CNTN4: variants seen among roughly 807,000 people sequenced by gnomAD.
The protein encoded by CNTN4 is contactin-4.
Under a neutral mutation model 122.5 loss-of-function variants are expected in CNTN4, and 77 were observed. The observed-to-expected ratio is 0.63, with a 90% CI of 0.52 to 0.76. CNTN4 has a LOEUF of 0.76. Among genes scored for constraint, CNTN4 ranks in the 30% least tolerant of loss-of-function variants. The probability of loss-of-function intolerance (pLI) is 0.00; values close to 1 mark genes in which losing one functional copy is unlikely to be tolerated. For missense variants in CNTN4, 1,256 were observed against 1,259.1 expected, an observed-to-expected ratio of 1.00 and a Z score of 0.04; for synonymous variants, 512 against 447.0, an observed-to-expected ratio of 1.15 and a Z score of -1.83.
At chr3:2,163,795 A>T (rs1471927191) in intron 2 of CNTN4, among the ~76,000 whole-genome samples, 1 of 152,236 alleles carries the variant, frequency 6.6e-6, no homozygotes, top group Non-Finnish European at 1.5e-5. Context: ...CCATAACGAG[A>T]TATAATCTCA....
rs71058604 is a variant in CNTN4 at position 2,294,288 on chromosome 3, C to CTTTTTTTTTTTTTTTTTTTTTTT, written c.-144-44875_-144-44874insTTTTTTTTTTTTTTTTTTTTTTT. 1.3e-4 allele frequency among the ~76,000 whole-genome samples: 17 copies of CTTTTTTTTTTTTTTTTTTTTTTT among 135,596 alleles called. 2 individuals carry two copies. Among genetic ancestry groups the CTTTTTTTTTTTTTTTTTTTTTTT allele is most frequent in the South Asian group, 7.2e-4 (3 of 4,148 alleles). 89.0% of individuals were successfully genotyped at this position (135,596 alleles called of 152,430 possible). On this transcript the variant is annotated intron_variant, in intron 2 of 24. Transcript: ENST00000418658. ...CAAAGGAAAGGCAGAAGAGTTGTGACTTTTTTTTTTTTTTTACTGAATACC... is the reference window on the plus strand; with the variant it reads ...CAAAGGAAAGGCAGAAGAGTTGTGACTTTTTTTTTTTTTTTTTTTTTTTTTTTTTTTTTTTTTTACTGAATACC...
chr3:2,796,060 T>C (rs2092168255), intron 6 of CNTN4, among the ~76,000 whole-genome samples: 1 of 152,166 alleles, frequency 6.6e-6, no homozygotes, highest in African/African-American at 2.4e-5. Flanking sequence ...GAATTGTTGA[T>C]TGGGACTTTC....
chr3:2,567,508 A>T (rs2079224246), intron 3 of CNTN4, among the ~76,000 whole-genome samples: 1 of 152,150 alleles, frequency 6.6e-6, no homozygotes, highest in African/African-American at 2.4e-5. Flanking sequence ...TGCTGTCTTT[A>T]ACAAAGATAG....
intron 3 of CNTN4, among the ~76,000 whole-genome samples, chr3:2,493,854 T>A (rs1246017435): frequency 1.3e-5 from 2 of 152,156 alleles, no homozygotes; most frequent in Non-Finnish European, 2.9e-5. Flanking sequence ...TCCTTCTTTT[T>A]GCTGCCTGGA....
At chr3:3,015,375 A>G (rs986195155) in intron 14 of CNTN4, among the ~76,000 whole-genome samples, 1 of 152,210 alleles carries the variant, frequency 6.6e-6, no homozygotes, top group Non-Finnish European at 1.5e-5. Context: ...GGATTGTTTA[A>G]GGTTTTGTTT....
chr3:3,009,403 T>C (rs1242359548), intron 14 of CNTN4, among the ~76,000 whole-genome samples: 1 of 152,188 alleles, frequency 6.6e-6, no homozygotes, highest in African/African-American at 2.4e-5. Context: ...GTCAATTCAA[T>C]ATCTAATATT....
chr3:2,401,908 G>A lies in CNTN4; in HGVS notation c.-89+62675G>A, dbSNP rs370290811. 3.8e-3 allele frequency among the ~76,000 whole-genome samples: 581 copies of A among 152,266 alleles called. 4 individuals are homozygous for A. Among genetic ancestry groups the A allele is most frequent in the African/African-American group, 0.014 (568 of 41,562 alleles). On this transcript the variant is annotated intron_variant, in intron 3 of 24. Coordinates refer to ENST00000418658, the MANE Select transcript of CNTN4 (RefSeq NM_175607.3). ...AAAAGCAATTTTGTTTGCCAGCAAA[G>A]TAATACCTGGATTTTTAGTTTCTCA...
chr3:2,936,199 C>G (rs1312482056), intron 13 of CNTN4, among the ~76,000 whole-genome samples: 1 of 152,140 alleles, frequency 6.6e-6, no homozygotes, highest in Non-Finnish European at 1.5e-5. Flanking sequence ...CCGTGACTTA[C>G]CATGCACCCA....
chr3:2,657,603 A>G (rs1401110167), intron 4 of CNTN4, among the ~76,000 whole-genome samples: 2 of 152,152 alleles, frequency 1.3e-5, no homozygotes, highest in Non-Finnish European at 2.9e-5. Flanking sequence ...CTAAATATGC[A>G]TTCTGTAAAC....
intron 3 of CNTN4, among the ~76,000 whole-genome samples, chr3:2,357,906 C>G (rs932102007): frequency 9.9e-5 from 15 of 152,156 alleles, no homozygotes; most frequent in South Asian, 2.1e-4. Flanking sequence ...AAATAATACT[C>G]TACAGAATAC....
intron 3 of CNTN4, among the ~76,000 whole-genome samples, chr3:2,466,085 A>C (rs985159734): frequency 2.0e-5 from 3 of 152,196 alleles, no homozygotes; most frequent in Admixed American, 2.0e-4. Flanking sequence ...AACCAACACT[A>C]CATGAAGCCA....
intron 2 of CNTN4, among the ~76,000 whole-genome samples, chr3:2,307,519 T>C (rs2042759580): frequency 6.6e-6 from 1 of 152,184 alleles, no homozygotes; most frequent in South Asian, 2.1e-4. Flanking sequence ...TACTGATAAG[T>C]ATGATGTTAG....
Position 2,178,448 on chromosome 3 carries a change from T to C in CNTN4, c.-145+77809T>C, listed in dbSNP as rs1043221490. On this transcript the variant is annotated intron_variant, in intron 2 of 24. Coordinates refer to ENST00000418658, the MANE Select transcript of CNTN4 (RefSeq NM_175607.3). ...TAGATTCATGTTCATGTTACTGTGA[T>C]TTAGAAAAAAAAAATTGTAACATCA... Among the ~76,000 whole-genome samples the C allele has an allele frequency of 2.0e-5, 3 of 147,682 alleles. 1 individual carries two copies. Among genetic ancestry groups the C allele is most frequent in the Middle Eastern group, 7.0e-3 (2 of 286 alleles).
intron 2 of CNTN4, among the ~76,000 whole-genome samples, chr3:2,243,855 G>T (rs1302592726): frequency 1.3e-5 from 2 of 152,036 alleles, no homozygotes; most frequent in East Asian, 1.9e-4. Flanking sequence ...GGTGTAAGTT[G>T]CCATACTTCT....
At chr3:2,785,910 C>T (rs1159378068) in intron 6 of CNTN4, among the ~76,000 whole-genome samples, 2 of 136,500 alleles carry the variant, frequency 1.5e-5, no homozygotes, top group African/African-American at 5.2e-5. Flanking sequence ...CCCCCGCCCC[C>T]CCATCCTGTA....
intron 13 of CNTN4, among the ~76,000 whole-genome samples, chr3:2,939,138 T>C (rs1324259262): frequency 6.6e-6 from 1 of 152,228 alleles, no homozygotes; most frequent in Non-Finnish European, 1.5e-5. Context: ...AGTTTTCTCC[T>C]CATATTTCAG....
chr3:2,607,594 G>A (rs114242095), intron 4 of CNTN4, among the ~76,000 whole-genome samples: 1,935 of 23,688 alleles, frequency 0.082, 44 homozygotes, highest in African/African-American at 0.17. Flanking sequence ...TAATACGTGT[G>A]TATATACATA....
At chr3:3,033,893 G>C (rs188190541) in intron 16 of CNTN4, among the ~76,000 whole-genome samples, 17 of 152,120 alleles carry the variant, frequency 1.1e-4, no homozygotes, top group African/African-American at 4.1e-4. Context: ...CAGAAACAAC[G>C]AACATCAGGA....
chr3:2,393,139 T>A (rs1048006916), intron 3 of CNTN4, among the ~76,000 whole-genome samples: 2 of 152,194 alleles, frequency 1.3e-5, no homozygotes, highest in Non-Finnish European at 2.9e-5. Context: ...TGGAATTTCC[T>A]TGGGTTACAG....
Sources: allele counts gnomAD v4.1 joint callset (sites outside exome capture counted in the v4.1 genomes callset), GRCh38; gene constraint gnomAD v4.1.1; transcripts MANE v1.5; gene names NCBI Gene and HGNC (gene_info 2026-07-23, HGNC 2026-07-21).